Variants in TRMT9B observed in about 807,000 individuals in gnomAD.
TRMT9B encodes the protein tRNA methyltransferase 9B (putative).
In TRMT9B, 16 loss-of-function variants were observed where a neutral mutation model predicts 11.5. The ratio of observed to expected loss-of-function variants is 1.39; its 90% CI spans 0.94 to 2.11. The LOEUF (loss-of-function observed/expected upper bound fraction) is 2.11, where lower values mean the gene tolerates loss of function less well. TRMT9B is among the 30% of genes most tolerant of loss of function. TRMT9B has a pLI of 0.00. For missense variants in TRMT9B, 941 were observed against 553.8 expected (o/e 1.70, Z -7.02); for synonymous variants, 274 against 192.4 (o/e 1.42, Z -3.51).
intron 1 of TRMT9B, among the ~76,000 whole-genome samples, chr8:12,973,628 C>T (rs1017490515): frequency 1.8e-4 from 28 of 151,890 alleles, no homozygotes; most frequent in African/African-American, 6.8e-4. Context: ...GAAGAGATGG[C>T]GGGTGAAACA....
intron 1 of TRMT9B, among the ~76,000 whole-genome samples, chr8:12,956,018 A>T (rs567406641): frequency 1.6e-4 from 25 of 152,324 alleles, no homozygotes; most frequent in African/African-American, 5.8e-4. Flanking sequence ...CTGGTGACTG[A>T]ACATTGCTAC....
At chr8:12,951,585 A>C (rs1340982386) in intron 1 of TRMT9B, 1 of 152,010 alleles carries the variant, frequency 6.6e-6, no homozygotes, top group Non-Finnish European at 1.5e-5. Flanking sequence ...CGGGGCGGGG[A>C]GGCGACAGTC....
Position 13,021,706 on chromosome 8 carries a change from A to T in TRMT9B, c.1027A>T (p.Arg343Ter). 6.2e-7 allele frequency: 1 copy of T among 1,613,974 alleles called. No homozygotes were observed. Among genetic ancestry groups the T allele is most frequent in the Non-Finnish European group, 8.5e-7 (1 of 1,179,886 alleles). Residue 343 changes from arginine to a stop codon, truncating the protein, a stop_gained, in exon 5 of 5, where the codon AGA becomes TGA. Coordinates refer to ENST00000524591, the MANE Select transcript of TRMT9B (RefSeq NM_020844.3). LOFTEE classifies it low-confidence loss of function (END_TRUNC). ...TGGAGACCATCAAGGGGAAATGAGG[A>T]GAAATGGAGGGGGAAATTTTCTGGA... ...LNGDHQGEMR[R>*]NGGGNFLDST...
chr8:13,008,556 C>A (rs1296966572), intron 3 of TRMT9B, among the ~76,000 whole-genome samples: 2 of 151,990 alleles, frequency 1.3e-5, no homozygotes, highest in Non-Finnish European at 1.5e-5. Context: ...ACATTAACTG[C>A]AAATATGGAA....
At position 13,023,411 on chromosome 8, in the gene TRMT9B, T is replaced by C. The variant is rs568869968; in HGVS notation, c.*1367T>C. 4.2e-5 allele frequency: 7 copies of C among 167,226 alleles called. No homozygotes were observed. In the South Asian group the frequency reaches 6.2e-4, roughly 15 times the overall value. The allele number at this position is 167,226 out of a possible 1,614,324, so 10.4% of individuals were successfully genotyped here. A position where few individuals can be genotyped will look rare whatever the true frequency, so the allele number is the denominator to read the frequency against. On this transcript the variant is annotated 3_prime_UTR_variant, in exon 5 of 5. Coordinates refer to ENST00000524591, the MANE Select transcript of TRMT9B (RefSeq NM_020844.3). ...GAAGGTGACTACATTTTATTAGTTA[T>C]ATTAGGAATTTAGGTAGAATCAACT...
At chr8:12,946,421 A>G (rs1385739130) in intron 1 of TRMT9B, among the ~76,000 whole-genome samples, 1 of 152,156 alleles carries the variant, frequency 6.6e-6, no homozygotes, top group Non-Finnish European at 1.5e-5. Context: ...GTGGTCACCC[A>G]TGGGCTATGA....
At chr8:12,950,298 A>G (rs576372059) in intron 1 of TRMT9B, among the ~76,000 whole-genome samples, 1 of 152,284 alleles carries the variant, frequency 6.6e-6, no homozygotes, top group South Asian at 2.1e-4. Flanking sequence ...CAGTCTTTCA[A>G]TCACTGGACG....
At chr8:12,998,079 T>A (rs1808705100) in intron 2 of TRMT9B, among the ~76,000 whole-genome samples, 1 of 152,234 alleles carries the variant, frequency 6.6e-6, no homozygotes, top group Non-Finnish European at 1.5e-5. Context: ...TCGCCCATTT[T>A]TCAATTGTGT....
intron 1 of TRMT9B, among the ~76,000 whole-genome samples, chr8:12,947,877 T>C (rs1377297161): frequency 6.6e-6 from 1 of 152,162 alleles, no homozygotes; most frequent in Non-Finnish European, 1.5e-5. Flanking sequence ...AGCCTATGTA[T>C]AAGGAAGCAT....
chr8:13,024,878 C>G lies in TRMT9B; in HGVS notation c.*2834C>G. On this transcript the variant is annotated 3_prime_UTR_variant, in exon 5 of 5. Coordinates refer to ENST00000524591, the MANE Select transcript of TRMT9B (RefSeq NM_020844.3). ...CTTTGGGGTAGTCACATGGAAAGCTCTTTTAAATTTAACTTCCGCCTTTGG... is the reference window on the plus strand; with the variant it reads ...CTTTGGGGTAGTCACATGGAAAGCTGTTTTAAATTTAACTTCCGCCTTTGG... 6.0e-6 allele frequency: 1 copy of G among 166,860 alleles called. No individual in the cohort carries two copies. The highest frequency in any genetic ancestry group is 1.5e-5 in the Non-Finnish European group (1 of 68,088). The allele number at this position is 166,860 out of a possible 1,614,324, so 10.3% of individuals were successfully genotyped here.
chr8:12,952,108 C>G (rs1441576340), intron 1 of TRMT9B: 4 of 437,716 alleles, frequency 9.1e-6, no homozygotes, highest in Middle Eastern at 3.3e-4. Flanking sequence ...GGCTCTGATG[C>G]AAAAGCAGCT....
chr8:13,008,636 A>G (rs970623955), intron 3 of TRMT9B, among the ~76,000 whole-genome samples: 1 of 152,252 alleles, frequency 6.6e-6, no homozygotes, highest in Non-Finnish European at 1.5e-5. Context: ...AAGTTCCACA[A>G]GACAAAAATC....
At chr8:12,989,351 G>A (rs373768099) in intron 1 of TRMT9B, among the ~76,000 whole-genome samples, 1 of 152,170 alleles carries the variant, frequency 6.6e-6, no homozygotes, top group Non-Finnish European at 1.5e-5. Context: ...TAACTTCTTG[G>A]AGAAGGTGAT....
intron 2 of TRMT9B, among the ~76,000 whole-genome samples, chr8:13,002,365 A>G (rs529070212): frequency 6.6e-6 from 1 of 152,228 alleles, no homozygotes; most frequent in Non-Finnish European, 1.5e-5. Flanking sequence ...ACGTAAATAG[A>G]CTAAAATCTA....
In TRMT9B at chr8:13,021,172, T is replaced by A. The variant is rs943095782; in HGVS notation, c.493T>A (p.Cys165Ser). 8.1e-6 allele frequency: 13 copies of A among 1,613,850 alleles called. No individual in the cohort carries two copies. Among genetic ancestry groups the A allele is most frequent in the Non-Finnish European group, 1.1e-5 (13 of 1,179,816 alleles). Residue 165 changes from cysteine to serine, a missense_variant, in exon 5 of 5, where the codon TGT becomes AGT. Transcript: ENST00000524591. Reference protein sequence around the residue: ...DVLVPWNRALCSQLFSESSQS... With the variant: ...DVLVPWNRALSSQLFSESSQS... Reference sequence around the variant, plus strand: ...GCTTGTTCCATGGAACAGGGCTCTGTGTTCCCAGCTCTTCTCAGAGTCCAG... The same window carrying A: ...GCTTGTTCCATGGAACAGGGCTCTGAGTTCCCAGCTCTTCTCAGAGTCCAG...
chr8:13,022,133 A>T lies in TRMT9B; in HGVS notation c.*89A>T, dbSNP rs1814067190. ...GTTACCTGAATTTGCATTCAGTGTT[A>T]TTTGTTAATCCATTTACGCTTTGGT... On this transcript the variant is annotated 3_prime_UTR_variant, in exon 5 of 5. Transcript: ENST00000524591. 3.1e-5 allele frequency: 29 copies of T among 948,238 alleles called. No individual in the cohort carries two copies. In the South Asian group the frequency reaches 5.2e-4, roughly 17 times the overall value. The allele number at this position is 948,238 out of a possible 1,614,324, so 58.7% of individuals were successfully genotyped here.
chr8:12,973,699 T>C (rs980336375), intron 1 of TRMT9B, among the ~76,000 whole-genome samples: 12 of 152,100 alleles, frequency 7.9e-5, no homozygotes, highest in African/African-American at 2.9e-4. Context: ...GGACGGTGGA[T>C]TATCCGTTTC....
chr8:12,978,157 A>T (rs1804750572), intron 1 of TRMT9B, among the ~76,000 whole-genome samples: 1 of 152,232 alleles, frequency 6.6e-6, no homozygotes, highest in African/African-American at 2.4e-5. Context: ...CCAGGAATAT[A>T]GGCCTCCTGA....
chr8:12,970,275 C>T (rs372331165), intron 1 of TRMT9B: 1 of 152,186 alleles, frequency 6.6e-6, no homozygotes, highest in Non-Finnish European at 1.5e-5. Flanking sequence ...TGTCCATGAA[C>T]TTTTGGTCCT....
Sources: allele counts gnomAD v4.1 joint callset (sites outside exome capture counted in the v4.1 genomes callset), GRCh38; gene constraint gnomAD v4.1.1; transcripts MANE v1.5; gene names NCBI Gene and HGNC (gene_info 2026-07-23, HGNC 2026-07-21).